TMEM132C: variants seen among roughly 807,000 people sequenced by gnomAD.
The protein encoded by TMEM132C is protein phosphatase 1, regulatory subunit 152.
TMEM132C carries 29 observed loss-of-function variants against 61.4 expected under a neutral mutation model. The ratio of observed to expected loss-of-function variants is 0.47; its 90% CI spans 0.35 to 0.64. TMEM132C has a LOEUF of 0.64. Among genes scored for constraint, TMEM132C ranks in the 30% least tolerant of loss-of-function variants. The pLI, the probability that TMEM132C is intolerant of heterozygous loss-of-function variation, is 0.00. For missense variants in TMEM132C, 1,408 were observed against 1,476.9 expected (o/e 0.95, Z 0.76); for synonymous variants, 656 against 633.1 (o/e 1.04, Z -0.54).
chr12:128,571,183 C>T (rs1208680978), intron 3 of TMEM132C, among the ~76,000 whole-genome samples: 1 of 152,166 alleles, frequency 6.6e-6, no homozygotes, highest in Non-Finnish European at 1.5e-5. Flanking sequence ...AACTTGGAAA[C>T]TCTCTGTGTC....
rs999699371 is a variant in TMEM132C, at chr12:128,544,123, C to T, written c.1121+20C>T. ...CAACAGGTAAGCGGTGCCCTCCCTG[C>T]AAGCGTGTGTGGTTCCTGGTCCCGG... On this transcript the variant is annotated intron_variant, in intron 3 of 8. Coordinates refer to ENST00000435159, the MANE Select transcript of TMEM132C (RefSeq NM_001136103.3). 2 of 1,502,138 alleles carry T rather than the reference C, an allele frequency of 1.3e-6. No individual in the cohort carries two copies. The highest frequency in any genetic ancestry group is 8.9e-7 in the Non-Finnish European group (1 of 1,122,806). 93.1% of individuals were successfully genotyped at this position (1,502,138 alleles called of 1,614,324 possible).
In TMEM132C at chr12:128,415,786, C is replaced by A. The variant is rs1868762281; in HGVS notation, c.974+166C>A. Reference sequence around the variant, plus strand: ...TATGCACCTGCCCACATGCTCTCAACAGCCCTCCTTACACCGTGGGTTATG... The same window carrying A: ...TATGCACCTGCCCACATGCTCTCAAAAGCCCTCCTTACACCGTGGGTTATG... On this transcript the variant is annotated intron_variant, in intron 2 of 8. Coordinates refer to ENST00000435159, the MANE Select transcript of TMEM132C (RefSeq NM_001136103.3). This position sits in a 1 kb window ranked among gnomAD's most constrained non-coding sequence, Gnocchi z 5.8. Among the ~76,000 whole-genome samples, 2 of 152,154 alleles carry A rather than the reference C, an allele frequency of 1.3e-5. No individual in the cohort carries two copies. Among genetic ancestry groups the A allele is most frequent in the African/African-American group, 2.4e-5 (1 of 41,434 alleles).
chr12:128,699,404 T>C (rs1954788241), intron 8 of TMEM132C, among the ~76,000 whole-genome samples: 1 of 152,210 alleles, frequency 6.6e-6, no homozygotes. Flanking sequence ...TCTAGAATTA[T>C]TTGGGTGGTG....
chr12:128,405,036 T>C (rs1006886794), intron 1 of TMEM132C, among the ~76,000 whole-genome samples: 3 of 152,096 alleles, frequency 2.0e-5, no homozygotes, highest in African/African-American at 7.2e-5. Context: ...CCAGGCTGTC[T>C]CCCGTGGCCG....
At chr12:128,628,150 A>G (rs1381470975) in intron 4 of TMEM132C, among the ~76,000 whole-genome samples, 1 of 152,138 alleles carries the variant, frequency 6.6e-6, no homozygotes, top group African/African-American at 2.4e-5. Flanking sequence ...TCACACCTGG[A>G]TGTATCATCT....
intron 2 of TMEM132C, among the ~76,000 whole-genome samples, chr12:128,497,229 T>C (rs925665834): frequency 6.6e-6 from 1 of 152,222 alleles, no homozygotes; most frequent in African/African-American, 2.4e-5. Context: ...CTGTGAGATG[T>C]CAGTCTGCCC....
intron 2 of TMEM132C, among the ~76,000 whole-genome samples, chr12:128,466,016 G>A (rs1008349155): frequency 2.6e-5 from 4 of 151,786 alleles, no homozygotes; most frequent in African/African-American, 9.7e-5. Context: ...TGAAAATAAG[G>A]TATTTTTGAA....
chr12:128,392,216 G>C (rs1874791448), intron 1 of TMEM132C, among the ~76,000 whole-genome samples: 1 of 152,200 alleles, frequency 6.6e-6, no homozygotes, highest in Non-Finnish European at 1.5e-5. Flanking sequence ...GGGGAGGTGG[G>C]TTGTCACTGC....
At chr12:128,455,746 G>C (rs1870317156) in intron 2 of TMEM132C, among the ~76,000 whole-genome samples, 1 of 152,190 alleles carries the variant, frequency 6.6e-6, no homozygotes, top group African/African-American at 2.4e-5. Flanking sequence ...CCCTAGGAGA[G>C]AACAGCCAAG....
At chr12:128,475,388 T>G (rs1023249626) in intron 2 of TMEM132C, among the ~76,000 whole-genome samples, 3 of 152,274 alleles carry the variant, frequency 2.0e-5, no homozygotes, top group Non-Finnish European at 4.4e-5. Flanking sequence ...GATTAGCAGT[T>G]GCAGGTTTTG....
intron 2 of TMEM132C, among the ~76,000 whole-genome samples, chr12:128,487,782 A>G (rs929526447): frequency 1.3e-5 from 2 of 151,838 alleles, no homozygotes; most frequent in African/African-American, 4.8e-5. Flanking sequence ...GTCAAGGAAC[A>G]CCCTCCACAT....
At chr12:128,524,211 C>A (rs1263585634) in intron 2 of TMEM132C, among the ~76,000 whole-genome samples, 1 of 152,076 alleles carries the variant, frequency 6.6e-6, no homozygotes, top group Non-Finnish European at 1.5e-5. Flanking sequence ...CAACTGAATC[C>A]TTGATCTATG....
At chr12:128,559,140 CACACACACAAACACAT>C (rs1264256832) in intron 3 of TMEM132C, among the ~76,000 whole-genome samples, 2 of 151,150 alleles carry the variant, frequency 1.3e-5, no homozygotes, top group East Asian at 3.9e-4. Context: ...CACACACAGA[CACACACACAAACACAT>C]ACACACACAA....
intron 1 of TMEM132C, among the ~76,000 whole-genome samples, chr12:128,351,832 A>T (rs1225573861): frequency 6.6e-6 from 1 of 152,230 alleles, no homozygotes; most frequent in African/African-American, 2.4e-5. Context: ...TTTCGACATG[A>T]GATTTGGCAG....
chr12:128,637,251 A>T lies in TMEM132C; in HGVS notation c.1305+20916A>T, dbSNP rs79668155. Among the ~76,000 whole-genome samples, 1,329 of 152,352 alleles carry T rather than the reference A, an allele frequency of 8.7e-3. 17 individuals carry two copies. The highest frequency in any genetic ancestry group is 0.031 in the African/African-American group (1,280 of 41,580). On this transcript the variant is annotated intron_variant, in intron 4 of 8. Transcript: ENST00000435159. ...CACAGCCTACAATCCCCACAGGAAC[A>T]GTACCTAACATTGTGGAGTGTTCAC... is the stretch of plus-strand genomic sequence containing the variant.
intron 2 of TMEM132C, among the ~76,000 whole-genome samples, chr12:128,456,242 T>G (rs73440655): frequency 6.6e-6 from 1 of 152,116 alleles, no homozygotes; most frequent in Non-Finnish European, 1.5e-5. Flanking sequence ...TGAGACCCGA[T>G]GCAGTCTTCA....
chr12:128,437,861 CT>C (rs1869653964), intron 2 of TMEM132C: 1 of 152,166 alleles, frequency 6.6e-6, no homozygotes, highest in Non-Finnish European at 1.5e-5. Context: ...CTGTTTTATT[CT>C]TTTGGTCAGA....
chr12:128,549,468 T>C (rs1447803022), intron 3 of TMEM132C, among the ~76,000 whole-genome samples: 1 of 152,140 alleles, frequency 6.6e-6, no homozygotes, highest in Non-Finnish European at 1.5e-5. Flanking sequence ...GAAATGTTCT[T>C]GCACAGTTTC....
chr12:128,448,682 G>A (rs1395332317), intron 2 of TMEM132C, among the ~76,000 whole-genome samples: 1 of 152,172 alleles, frequency 6.6e-6, no homozygotes, highest in African/African-American at 2.4e-5. Flanking sequence ...GAGCTTCAGA[G>A]TCAAACTGCT....
Sources: allele counts gnomAD v4.1 joint callset (sites outside exome capture counted in the v4.1 genomes callset), GRCh38; gene constraint gnomAD v4.1.1; non-coding constraint Gnocchi (gnomAD v3.1); transcripts MANE v1.5; gene names NCBI Gene and HGNC (gene_info 2026-07-23, HGNC 2026-07-21).